KCNH5: variants seen among roughly 807,000 people sequenced by gnomAD.
KCNH5 encodes voltage-gated delayed rectifier potassium channel KCNH5.
KCNH5 carries 46 observed loss-of-function variants against 96.1 expected under a neutral mutation model. The ratio of observed to expected loss-of-function variants is 0.48; its 90% CI spans 0.38 to 0.61. The LOEUF (loss-of-function observed/expected upper bound fraction) is 0.61, where lower values mean the gene tolerates loss of function less well. Among genes scored for constraint, KCNH5 ranks in the 20% least tolerant of loss-of-function variants. The pLI is 0.00. For missense variants in KCNH5, 907 were observed against 1,225.8 expected, an observed-to-expected ratio of 0.74 and a Z score of 3.88; for synonymous variants, 439 against 449.8, an observed-to-expected ratio of 0.98 and a Z score of 0.30.
At chr14:62,811,150 A>T (rs1886864981) in intron 8 of KCNH5, among the ~76,000 whole-genome samples, 1 of 152,182 alleles carries the variant, frequency 6.6e-6, no homozygotes, top group Non-Finnish European at 1.5e-5. Flanking sequence ...CTAAACCCAA[A>T]GTCAAGAGGT....
At chr14:62,857,972 T>C (rs1204326478) in intron 7 of KCNH5, among the ~76,000 whole-genome samples, 1 of 151,834 alleles carries the variant, frequency 6.6e-6, no homozygotes, top group Non-Finnish European at 1.5e-5. Context: ...AATACAACTA[T>C]CCTTTGTACA....
intron 7 of KCNH5, among the ~76,000 whole-genome samples, chr14:62,890,574 C>T (rs1329340718): frequency 3.3e-5 from 5 of 151,640 alleles, no homozygotes; most frequent in Non-Finnish European, 5.9e-5. Context: ...TGGCAGGCGC[C>T]TGTAGTCCCA....
intron 9 of KCNH5, among the ~76,000 whole-genome samples, chr14:62,792,009 A>C (rs1330653655): frequency 6.6e-6 from 1 of 151,652 alleles, no homozygotes; most frequent in Non-Finnish European, 1.5e-5. Context: ...TCATTTATAG[A>C]TGAATAAGAC....
At chr14:62,846,274 T>C (rs1477710797) in intron 8 of KCNH5, among the ~76,000 whole-genome samples, 1 of 152,194 alleles carries the variant, frequency 6.6e-6, no homozygotes, top group African/African-American at 2.4e-5. Flanking sequence ...GTATTCTAAC[T>C]CTTCTTATTA....
intron 1 of KCNH5, among the ~76,000 whole-genome samples, chr14:63,025,497 G>A (rs1891507109): frequency 6.6e-6 from 1 of 151,714 alleles, no homozygotes; most frequent in African/African-American, 2.4e-5. Flanking sequence ...CCAAAAAACT[G>A]TTAGAACTAA....
intron 1 of KCNH5, among the ~76,000 whole-genome samples, chr14:63,018,630 G>A (rs144428188): frequency 3.3e-5 from 5 of 151,962 alleles, no homozygotes; most frequent in Non-Finnish European, 7.4e-5. Context: ...GATATGCCCT[G>A]GGACTAAAAT....
intron 10 of KCNH5, among the ~76,000 whole-genome samples, chr14:62,770,128 T>C (rs1316150177): frequency 6.6e-6 from 1 of 152,170 alleles, no homozygotes. Flanking sequence ...AAAAAGTAGT[T>C]GGAACACCCA....
At chr14:62,860,426 C>T (rs950851523) in intron 7 of KCNH5, among the ~76,000 whole-genome samples, 1 of 152,194 alleles carries the variant, frequency 6.6e-6, no homozygotes, top group Admixed American at 6.5e-5. Flanking sequence ...CTTGCTTACA[C>T]AGCTACAGAT....
chr14:62,828,624 AG>A (rs1303576605), intron 8 of KCNH5, among the ~76,000 whole-genome samples: 1 of 152,156 alleles, frequency 6.6e-6, no homozygotes, highest in African/African-American at 2.4e-5. Context: ...ATGAGAGAAC[AG>A]CATGGAGGAA....
At chr14:62,824,138 C>T (rs547747780) in intron 8 of KCNH5, among the ~76,000 whole-genome samples, 1 of 152,052 alleles carries the variant, frequency 6.6e-6, no homozygotes, top group African/African-American at 2.4e-5. Context: ...TCCCTATAGA[C>T]TATATTTACT....
Position 62,706,497 on chromosome 14 carries a change from TTATC to T in KCNH5, c.*1007_*1010del, listed in dbSNP as rs572445007. 54 of 152,298 alleles carry T rather than the reference TTATC, an allele frequency of 3.5e-4. No homozygotes were observed. Among genetic ancestry groups the T allele is most frequent in the Middle Eastern group, 3.4e-3 (1 of 294 alleles). 9.4% of individuals were successfully genotyped at this position (152,298 alleles called of 1,614,324 possible). On this transcript the variant is annotated 3_prime_UTR_variant, in exon 11 of 11. Transcript: ENST00000322893. The stretch of plus-strand genomic sequence containing the variant: ...TAAGTTATATACATGCCACAAAAAT[TTATC>T]TATCTGTTTACATTCTTTTTTATTT...
At chr14:63,013,970 C>T (rs1202820295) in intron 2 of KCNH5, among the ~76,000 whole-genome samples, 1 of 151,994 alleles carries the variant, frequency 6.6e-6, no homozygotes, top group African/African-American at 2.4e-5. Context: ...AATCATGCTT[C>T]CAAGAAAAAC....
chr14:62,775,505 C>G (rs190785480), intron 10 of KCNH5, among the ~76,000 whole-genome samples: 2 of 152,308 alleles, frequency 1.3e-5, no homozygotes, highest in East Asian at 3.9e-4. Context: ...AAGGCAATGT[C>G]CTACCAGAGT....
At chr14:62,792,155 T>C (rs1886448878) in intron 9 of KCNH5, among the ~76,000 whole-genome samples, 1 of 151,600 alleles carries the variant, frequency 6.6e-6, no homozygotes, top group South Asian at 2.1e-4. Context: ...CATAGTTTTA[T>C]TAGAATAAAA....
chr14:62,745,658 G>T (rs1198280579), intron 10 of KCNH5, among the ~76,000 whole-genome samples: 1 of 152,128 alleles, frequency 6.6e-6, no homozygotes, highest in African/African-American at 2.4e-5. Context: ...GGTGAGGTTG[G>T]AAGAATAAAC....
intron 9 of KCNH5, among the ~76,000 whole-genome samples, chr14:62,790,916 C>T (rs1213095551): frequency 6.6e-6 from 1 of 151,800 alleles, no homozygotes; most frequent in Admixed American, 6.6e-5. Context: ...ATGTCATCTA[C>T]AAACAGAGAT....
At chr14:62,750,958 T>C (rs1035614653) in intron 10 of KCNH5, among the ~76,000 whole-genome samples, 1 of 152,024 alleles carries the variant, frequency 6.6e-6, no homozygotes, top group African/African-American at 2.4e-5. Context: ...TAGAGGCTCA[T>C]CCTTTAAATC....
chr14:62,889,712 C>T (rs1472657546), intron 7 of KCNH5, among the ~76,000 whole-genome samples: 4 of 152,200 alleles, frequency 2.6e-5, no homozygotes, highest in Non-Finnish European at 4.4e-5. Context: ...TGAGAAAAAA[C>T]TTGGCTCATT....
chr14:62,753,826 C>T (rs1480388928), intron 10 of KCNH5, among the ~76,000 whole-genome samples: 1 of 152,112 alleles, frequency 6.6e-6, no homozygotes, highest in Admixed American at 6.5e-5. Context: ...CCATATCTGT[C>T]CTACAAGAAA....
Sources: allele counts gnomAD v4.1 joint callset (sites outside exome capture counted in the v4.1 genomes callset), GRCh38; gene constraint gnomAD v4.1.1; transcripts MANE v1.5; gene names NCBI Gene and HGNC (gene_info 2026-07-23, HGNC 2026-07-21).